H2BC5: variants seen among roughly 807,000 people sequenced by gnomAD.
H2BC5 encodes the protein H2B clustered histone 5.
In H2BC5, 9 loss-of-function variants were observed where a neutral mutation model predicts 5.7. That is an observed-to-expected ratio of 1.57 (90% CI 0.95 to 2.74). H2BC5 has a LOEUF of 2.74. Ranked by LOEUF, H2BC5 falls within the 30% of genes most tolerant of loss-of-function variation. H2BC5 has a pLI of 0.00. For synonymous variants in H2BC5, 133 were observed against 70.9 expected (o/e 1.88, Z -4.40); for missense variants, 175 against 168.8 (o/e 1.04, Z -0.20).
Position 26,158,547 on chromosome 6 carries a change from G to A in H2BC5, c.378G>A (p.Lys126=). 2 of 1,614,114 alleles carry A rather than the reference G, an allele frequency of 1.2e-6. No homozygotes were observed. Among genetic ancestry groups the A allele is most frequent in the Non-Finnish European group, 1.7e-6 (2 of 1,179,996 alleles). The change falls in exon 1 of 1, where the codon AAG becomes AAA. Residue 126 remains lysine (K), a synonymous_variant. Coordinates refer to ENST00000377777, the MANE Select transcript of H2BC5 (RefSeq NM_021063.4). ...TKAVTKYTSS[K] ...CCGTCACCAAGTACACCAGTTCCAA[G>A]TAACTTTGCCAAGTAAGCATCTTTA...
chr6:26,161,403 T>A (rs939399798), downstream of H2BC5, among the ~76,000 whole-genome samples: 2 of 152,158 alleles, frequency 1.3e-5, no homozygotes, highest in Non-Finnish European at 2.9e-5. Context: ...GGTAGAAATT[T>A]AATAAACTAT....
chr6:26,166,096 C>G (rs1764418936), intron 1 of H2BC5, among the ~76,000 whole-genome samples: 1 of 152,178 alleles, frequency 6.6e-6, no homozygotes, highest in Non-Finnish European at 1.5e-5. Context: ...TTTGGTGGTC[C>G]TGTTGCTCAC....
At position 26,158,352 on chromosome 6, in the gene H2BC5, G is replaced by A. The variant is rs374777984; in HGVS notation, c.183G>A (p.Gly61=). Residue 61 remains glycine, a synonymous_variant, in exon 1 of 1, where the codon GGG becomes GGA. Coordinates refer to ENST00000377777, the MANE Select transcript of H2BC5 (RefSeq NM_021063.4). The part of the protein sequence containing the change: ...PDTGISSKAM[G]IMNSFVNDIF... ...CCGGCATCTCTTCCAAGGCAATGGG[G>A]ATCATGAATTCCTTCGTCAACGACA... The A allele has an allele frequency of 8.1e-6, 13 of 1,614,162 alleles. No individual in the cohort carries two copies. Among genetic ancestry groups the A allele is most frequent in the Admixed American group, 1.7e-5 (1 of 60,014 alleles).
chr6:26,160,601 G>A (rs1192020571), downstream of H2BC5, among the ~76,000 whole-genome samples: 1 of 151,960 alleles, frequency 6.6e-6, no homozygotes, highest in African/African-American at 2.4e-5. Context: ...AGGCACGGTG[G>A]TTCATGCCTG....
At position 26,169,390 on chromosome 6, in the gene H2BC5, A is replaced by T. The variant is rs560273283; in HGVS notation, c.*10-1585A>T. On this transcript the variant is annotated intron_variant, in intron 1 of 1. Coordinates refer to the H2BC5 transcript ENST00000289316. ...TTACCTTTGTCTTTCACTAAAGCCT[A>T]AAAAAGTGTTTCTCATACTCTGGAA... Among the ~76,000 whole-genome samples, 4 of 152,290 alleles carry T rather than the reference A, an allele frequency of 2.6e-5. No homozygotes were observed. The South Asian group carries it at 8.3e-4, about 32-fold the overall frequency.
rs116043061 is a variant in H2BC5 at position 26,158,277 on chromosome 6, G to C, written c.108G>C (p.Glu36Asp). The C allele has an allele frequency of 6.2e-7, 1 of 1,614,120 alleles. No individual in the cohort carries two copies. The highest frequency in any genetic ancestry group is 8.5e-7 in the Non-Finnish European group (1 of 1,180,058). Residue 36 changes from glutamate (E) to aspartate (D), a missense_variant, in exon 1 of 1, where the codon GAG becomes GAC. Coordinates refer to ENST00000377777, the MANE Select transcript of H2BC5 (RefSeq NM_021063.4). ...DGKKRKRSRK[E>D]SYSVYVYKVL... ...AGAAGCGCAAGCGCAGCCGCAAGGA[G>C]AGCTATTCAGTGTATGTGTACAAGG...
Position 26,158,163 on chromosome 6 carries a change from C to A in H2BC5, c.-7C>A. The A allele has an allele frequency of 6.2e-7, 1 of 1,611,390 alleles. No individual in the cohort carries two copies. Among genetic ancestry groups the A allele is most frequent in the Non-Finnish European group, 8.5e-7 (1 of 1,179,024 alleles). On this transcript the variant is annotated 5_prime_UTR_variant, in exon 1 of 1. Transcript: ENST00000377777. ...TTTGCAACAGTGTTCTAACTATTAA[C>A]GCTACGATGCCTGAACCTACCAAGT...
At chr6:26,162,325 C>G (rs1005880779), downstream of H2BC5, among the ~76,000 whole-genome samples, 1 of 151,782 alleles carries the variant, frequency 6.6e-6, no homozygotes, top group Admixed American at 6.6e-5. Flanking sequence ...GTTCGATATT[C>G]TCTCCCATAA....
chr6:26,163,609 A>G (rs1764381057), intron 1 of H2BC5: 1 of 152,210 alleles, frequency 6.6e-6, no homozygotes, highest in South Asian at 2.1e-4. Context: ...TGGAGGCCTC[A>G]GTTCCTTGCC....
chr6:26,161,447 G>A (rs1476721738), downstream of H2BC5, among the ~76,000 whole-genome samples: 1 of 152,114 alleles, frequency 6.6e-6, no homozygotes, highest in Non-Finnish European at 1.5e-5. Flanking sequence ...CTGAAATGCA[G>A]AGATAAAAAT....
chr6:26,162,859 T>C (rs1012921838), downstream of H2BC5, among the ~76,000 whole-genome samples: 3 of 152,068 alleles, frequency 2.0e-5, no homozygotes, highest in Admixed American at 1.3e-4. Context: ...CTTCTAATCT[T>C]CTTTTAAGAT....
At chr6:26,159,421 C>G (rs756233069), downstream of H2BC5, among the ~76,000 whole-genome samples, 31 of 151,970 alleles carry the variant, frequency 2.0e-4, no homozygotes, top group Non-Finnish European at 4.1e-4. Flanking sequence ...CCCCTGAGTA[C>G]GGAGGACTGG....
In H2BC5 at chr6:26,158,480, C is replaced by T; in HGVS notation, c.311C>T (p.Pro104Leu). 1.2e-6 allele frequency: 2 copies of T among 1,614,224 alleles called. No homozygotes were observed. Among genetic ancestry groups the T allele is most frequent in the Non-Finnish European group, 8.5e-7 (1 of 1,180,032 alleles). The change falls in exon 1 of 1, where the codon CCG becomes CTG. Residue 104 changes from proline (P) to leucine (L), a missense_variant. This residue lies in a region of H2BC5 where 43 missense variants were observed against 37.7 expected (regional missense o/e 1.14). Coordinates refer to ENST00000377777, the MANE Select transcript of H2BC5 (RefSeq NM_021063.4). ...EIQTAVRLLL[P>L]GELAKHAVSE... ...CAGACGGCCGTGCGCCTGCTGCTTC[C>T]GGGGGAGCTGGCCAAGCACGCCGTG... is the stretch of plus-strand genomic sequence containing the variant.
intron 1 of H2BC5, among the ~76,000 whole-genome samples, chr6:26,164,865 G>A (rs1764397507): frequency 6.6e-6 from 1 of 151,940 alleles, no homozygotes; most frequent in East Asian, 1.9e-4. Context: ...TTCTCTCTCT[G>A]CTGTCCCTAC....
downstream of H2BC5, among the ~76,000 whole-genome samples, chr6:26,159,267 T>TG (rs1205999554): frequency 4.8e-3 from 680 of 141,066 alleles, 8 homozygotes; most frequent in African/African-American, 0.018. Context: ...TTTTTTTTTT[T>TG]TTTTTGGCAG....
At chr6:26,170,629 TTATTA>T (rs1764502733) in intron 1 of H2BC5, among the ~76,000 whole-genome samples, 1 of 152,216 alleles carries the variant, frequency 6.6e-6, no homozygotes, top group Admixed American at 6.5e-5. Context: ...TATTTAACAG[TTATTA>T]TATTTTCCTT....
At chr6:26,161,924 T>C (rs1043190420), downstream of H2BC5, among the ~76,000 whole-genome samples, 1 of 152,078 alleles carries the variant, frequency 6.6e-6, no homozygotes, top group Admixed American at 6.5e-5. Context: ...CTAGAATGGA[T>C]GGATTACTAA....
Position 26,158,237 on chromosome 6 carries a change from A to G in H2BC5, c.68A>G (p.Gln23Arg). ...TCCAAGAAGGCGGTGACTAAGGCTCAGAAGAAGGACGGGAAGAAGCGCAAG... is the reference window on the plus strand; with the variant it reads ...TCCAAGAAGGCGGTGACTAAGGCTCGGAAGAAGGACGGGAAGAAGCGCAAG... ...KGSKKAVTKA[Q>R]KKDGKKRKRS... is the part of the protein sequence containing the mutation. The change falls in exon 1 of 1, where the codon CAG (glutamine) becomes CGG (arginine). Residue 23 changes from glutamine to arginine, a missense_variant. Gln to Arg is a conservative substitution (Grantham distance 43). Transcript: ENST00000377777. 8 of 1,614,250 alleles carry G rather than the reference A, an allele frequency of 5.0e-6. No individual in the cohort carries two copies. Among genetic ancestry groups the G allele is most frequent in the Non-Finnish European group, 6.8e-6 (8 of 1,180,042 alleles).
At chr6:26,167,723 C>G (rs9379828) in intron 1 of H2BC5, among the ~76,000 whole-genome samples, 47,414 of 151,784 alleles carry the variant, frequency 0.31, 7,651 homozygotes, top group Non-Finnish European at 0.35. Flanking sequence ...CCCCAGCCCC[C>G]ACCCTCTCCC....
Sources: allele counts gnomAD v4.1 joint callset (sites outside exome capture counted in the v4.1 genomes callset), GRCh38; gene constraint gnomAD v4.1.1; regional missense constraint gnomAD v4.1.1; transcripts MANE v1.5; gene names NCBI Gene and HGNC (gene_info 2026-07-23, HGNC 2026-07-21).